MUTYH: variants seen among roughly 807,000 people sequenced by gnomAD.
The protein encoded by MUTYH is adenine DNA glycosylase.
A neutral mutation model predicts 72.9 loss-of-function variants in MUTYH; 64 were observed. The observed-to-expected ratio is 0.88, with a 90% CI of 0.72 to 1.08. The LOEUF (loss-of-function observed/expected upper bound fraction) is 1.08, where lower values mean the gene tolerates loss of function less well. MUTYH is among the 50% of genes least tolerant of loss of function. The pLI, the probability that MUTYH is intolerant of heterozygous loss-of-function variation, is 0.00. For missense variants in MUTYH, 633 were observed against 671.0 expected, an observed-to-expected ratio of 0.94 and a Z score of 0.63; for synonymous variants, 234 against 263.1, an observed-to-expected ratio of 0.89 and a Z score of 1.07.
chr1:45,340,291 C>G (rs749548330), upstream of MUTYH: 1 of 1,613,288 alleles, frequency 6.2e-7, no homozygotes, highest in East Asian at 2.2e-5. Flanking sequence ...TTTCAGCTCC[C>G]GCAGCTTCCG....
chr1:45,338,583 G>A (rs993272341), intron 1 of MUTYH: 49 of 285,514 alleles, frequency 1.7e-4, no homozygotes, highest in African/African-American at 1.0e-3. Context: ...AACGACTTGA[G>A]TGCAAGGACT....
Position 45,333,137 on chromosome 1 carries a change from T to G in MUTYH, c.338A>C (p.Gln113Pro). 1 of 1,614,184 alleles carries G rather than the reference T, an allele frequency of 6.2e-7. No homozygotes were observed. The highest frequency in any genetic ancestry group is 1.3e-5 in the African/African-American group (1 of 75,038). ...WVSEVMLQQT[Q>P]VATVINYYTG... ...ATAGTAGTTGATCACAGTGGCAACC[T>G]GGGTCTGCTGCAGCATGACCTCTGA... The change falls in exon 5 of 16, where the codon CAG becomes CCG. Residue 113 changes from glutamine (Q) to proline (P), a missense_variant. Gln to Pro is a moderately conservative substitution (Grantham distance 76, BLOSUM62 -1). Coordinates refer to ENST00000456914, the MANE Select transcript of MUTYH (RefSeq NM_001048174.2).
chr1:45,337,109 G>A (rs964552610), intron 1 of MUTYH, among the ~76,000 whole-genome samples: 7 of 149,498 alleles, frequency 4.7e-5, no homozygotes, highest in Non-Finnish European at 7.4e-5. Context: ...TCCAGATCAC[G>A]TCACTTCCTT....
chr1:45,329,901 C>G (rs1266884568), intron 15 of MUTYH: 1 of 173,310 alleles, frequency 5.8e-6, no homozygotes, highest in African/African-American at 2.4e-5. Flanking sequence ...GCTGCTTCCT[C>G]CAAACAGCCT....
rs587783057 is a variant in MUTYH, at chr1:45,331,676, G to C, written c.1087C>G (p.Gln363Glu). 6.2e-7 allele frequency: 1 copy of C among 1,613,952 alleles called. No homozygotes were observed. The highest frequency in any genetic ancestry group is 2.2e-5 in the East Asian group (1 of 44,876). Residue 363 changes from glutamine (Q) to glutamate (E), a missense_variant, in exon 12 of 16, where the codon CAG (glutamine) becomes GAG (glutamate). Transcript: ENST00000456914. Reference sequence around the variant, plus strand: ...ATCCAGGTACCTGAGTTGGGCCTCTGCACCAGCAGAATTTGGGCCCCAAGG... The same window carrying C: ...ATCCAGGTACCTGAGTTGGGCCTCTCCACCAGCAGAATTTGGGCCCCAAGG... Reference protein sequence around the residue: ...GALGAQILLVQRPNSGLLAGL... With the variant: ...GALGAQILLVERPNSGLLAGL...
At chr1:45,329,526 C>G (rs1644412352) in intron 15 of MUTYH, 89 bp from the exon 16 acceptor site, 1 of 1,529,870 alleles carries the variant, frequency 6.5e-7, no homozygotes, top group Non-Finnish European at 8.9e-7. Context: ...TTCCCCGACT[C>G]TACTGATCTA....
At chr1:45,336,157 AG>A (rs1645850902) in intron 1 of MUTYH, among the ~76,000 whole-genome samples, 1 of 152,178 alleles carries the variant, frequency 6.6e-6, no homozygotes, top group East Asian at 1.9e-4. Flanking sequence ...GCCCTTCAAC[AG>A]AATCTCCTTC....
At chr1:45,335,907 C>A (rs963195415) in intron 1 of MUTYH, among the ~76,000 whole-genome samples, 4 of 152,164 alleles carry the variant, frequency 2.6e-5, no homozygotes, top group African/African-American at 7.2e-5. Flanking sequence ...GATCCTTCCA[C>A]CCCAGACTCT....
At chr1:45,333,793 G>T (rs1449628686) in intron 2 of MUTYH, among the ~76,000 whole-genome samples, 5 of 152,202 alleles carry the variant, frequency 3.3e-5, no homozygotes, top group Non-Finnish European at 7.3e-5. Flanking sequence ...GAGCCATAAT[G>T]AAAACCTAAT....
rs1570433085 is a variant in MUTYH, at chr1:45,333,116, T to C, written c.359A>G (p.Tyr120Cys). 1 of 1,614,128 alleles carries C rather than the reference T, an allele frequency of 6.2e-7. No individual in the cohort carries two copies. The highest frequency in any genetic ancestry group is 8.5e-7 in the Non-Finnish European group (1 of 1,180,010). ...AGTCACCTGCATCCATCCGGTATAG[T>C]AGTTGATCACAGTGGCAACCTGGGT... ...QQTQVATVINYYTGWMQKWPT... is the reference protein window; with the variant it reads ...QQTQVATVINCYTGWMQKWPT... Residue 120 changes from tyrosine (Y) to cysteine (C), a missense_variant, in exon 5 of 16, where the codon TAC (tyrosine) becomes TGC (cysteine). By Grantham distance (194) the Tyr-to-Cys change is radical (BLOSUM62 -2). Coordinates refer to ENST00000456914, the MANE Select transcript of MUTYH (RefSeq NM_001048174.2).
Position 45,329,355 on chromosome 1 carries a change from C to T in MUTYH, c.1517G>A (p.Arg506Gln), listed in dbSNP as rs3219497. The change falls in exon 16 of 16, where the codon CGG (arginine) becomes CAG (glutamine). Residue 506 changes from arginine (R) to glutamine (Q), a missense_variant. Physicochemically the swap from Arg to Gln is conservative, Grantham distance 43 (BLOSUM62 1). Coordinates refer to ENST00000456914, the MANE Select transcript of MUTYH (RefSeq NM_001048174.2). ...MGQQVLDNFF[R>Q]SHISTDAHSL... ...GTGTGCATCAGTGGAGATGTGAGAC[C>T]GAAAGAAATTATCCAGGACTTGCTG... 1.9e-3 allele frequency: 3,022 copies of T among 1,614,114 alleles called. 47 individuals are homozygous for T. In the African/African-American group the frequency reaches 0.035, roughly 19 times the overall value.
At chr1:45,329,864 G>A (rs2149094867) in intron 15 of MUTYH, 1 of 174,814 alleles carries the variant, frequency 5.7e-6, no homozygotes, top group East Asian at 1.5e-4. Flanking sequence ...TGAAGAAAAG[G>A]ATTCATTTCT....
chr1:45,330,679 G>C, intron 14 of MUTYH, 122 bp from the exon 15 acceptor site: 1 of 1,206,262 alleles, frequency 8.3e-7, no homozygotes, highest in Non-Finnish European at 1.2e-6. Context: ...GCCAGGCATG[G>C]TGGCTCACGC....
Position 45,339,892 on chromosome 1 carries a change from C to T in MUTYH, c.-7+7G>A, listed in dbSNP as rs1557514756. 1.4e-6 allele frequency: 2 copies of T among 1,404,250 alleles called. No individual in the cohort carries two copies. Among genetic ancestry groups the T allele is most frequent in the Middle Eastern group, 1.9e-4 (1 of 5,186 alleles). The allele number at this position is 1,404,250 out of a possible 1,614,324, so 87.0% of individuals were successfully genotyped here. ...AGCCCAAACCCAGCCACCCCACTAC[C>T]CGCTACCCGCGGCCCACGCTGATGA... On this transcript the variant is annotated splice_region_variant and intron_variant, in intron 1 of 15. Transcript: ENST00000456914.
chr1:45,332,776 T>C lies in MUTYH; in HGVS notation c.479A>G (p.Glu160Gly), dbSNP rs1553128788. 1 of 1,614,122 alleles carries C rather than the reference T, an allele frequency of 6.2e-7. No individual in the cohort carries two copies. Among genetic ancestry groups the C allele is most frequent in the East Asian group, 2.2e-5 (1 of 44,884 alleles). ...GYYSRGRRLQ[E>G]GARKVVEELG... is the part of the protein sequence containing the mutation. Reference sequence around the variant, plus strand: ...CCATCCCCTTACCTTCCGAGCTCCCTCCTGCAGCCGCCGGCCACGAGAATA... The same window carrying C: ...CCATCCCCTTACCTTCCGAGCTCCCCCCTGCAGCCGCCGGCCACGAGAATA... Residue 160 changes from glutamate to glycine, a missense_variant, in exon 7 of 16, where the codon GAG (glutamate) becomes GGG (glycine). Transcript: ENST00000456914.
chr1:45,333,010 G>A (rs1297205326), intron 5 of MUTYH, 51 bp from the exon 6 acceptor site: 28 of 1,613,456 alleles, frequency 1.7e-5, no homozygotes, highest in Non-Finnish European at 2.3e-5. Context: ...GAAGGTGGTA[G>A]AGGAAGCCTT....
chr1:45,340,338 T>C (rs1203481669), upstream of MUTYH: 4 of 1,598,470 alleles, frequency 2.5e-6, no homozygotes, highest in Non-Finnish European at 3.4e-6. Flanking sequence ...CTTCAAAGCC[T>C]CTGCGCTCTG....
At chr1:45,340,027 G>A (rs1646761590), upstream of MUTYH, 1 of 1,539,628 alleles carries the variant, frequency 6.5e-7, no homozygotes, top group African/African-American at 1.4e-5. Flanking sequence ...AGGGGGCGTG[G>A]CTCGGGTCCA....
Position 45,329,289 on chromosome 1 carries a change from G to A in MUTYH, c.*17C>T. 1 of 1,614,138 alleles carries A rather than the reference G, an allele frequency of 6.2e-7. No homozygotes were observed. The highest frequency in any genetic ancestry group is 1.1e-5 in the South Asian group (1 of 91,068). ...ACTAACAACAGGATTCTCAGGGAAT[G>A]GGGGCTTTCAGAGGTGTCACTGGGC... On this transcript the variant is annotated 3_prime_UTR_variant, in exon 16 of 16. Transcript: ENST00000456914.
Sources: gnomAD v4.1 joint callset for allele counts (sites outside exome capture counted in the v4.1 genomes callset) on GRCh38, gnomAD v4.1.1 for gene constraint, MANE v1.5 for transcripts, NCBI Gene and HGNC (gene_info 2026-07-23, HGNC 2026-07-21) for gene names.